LURAP1L: variants seen among roughly 807,000 people sequenced by gnomAD.
The protein encoded by LURAP1L is leucine rich adaptor protein 1 like.
In LURAP1L, 12 loss-of-function variants were observed where a neutral mutation model predicts 13.8. The ratio of observed to expected loss-of-function variants is 0.87; its 90% CI spans 0.56 to 1.41. The LOEUF is 1.41. Among genes scored for constraint, LURAP1L ranks in the 40% most tolerant of loss-of-function variants. The pLI, the probability that LURAP1L is intolerant of heterozygous loss-of-function variation, is 0.00. For missense variants in LURAP1L, 375 were observed against 292.9 expected, an observed-to-expected ratio of 1.28 and a Z score of -2.04; for synonymous variants, 139 against 119.2, an observed-to-expected ratio of 1.17 and a Z score of -1.08.
Position 12,775,602 on chromosome 9 carries a change from A to C in LURAP1L, c.-114A>C. ...AAAGGACGGTACACCGGAGCGGCGGAGGATAGAGACCCTGGCCCCCGGAGA... is the reference window on the plus strand; with the variant it reads ...AAAGGACGGTACACCGGAGCGGCGGCGGATAGAGACCCTGGCCCCCGGAGA... On this transcript the variant is annotated 5_prime_UTR_variant, in exon 1 of 2. Coordinates refer to ENST00000319264, the MANE Select transcript of LURAP1L (RefSeq NM_203403.2). The C allele has an allele frequency of 2.8e-6, 4 of 1,441,816 alleles. No individual in the cohort carries two copies. The highest frequency in any genetic ancestry group is 1.4e-5 in the African/African-American group (1 of 69,996). The allele number at this position is 1,441,816 out of a possible 1,614,324, so 89.3% of individuals were successfully genotyped here.
chr9:12,775,675 C>A lies in LURAP1L; in HGVS notation c.-41C>A, dbSNP rs1279756413. The A allele has an allele frequency of 6.5e-7, 1 of 1,528,026 alleles. No individual in the cohort carries two copies. Among genetic ancestry groups the A allele is most frequent in the Non-Finnish European group, 8.8e-7 (1 of 1,141,502 alleles). The allele number at this position is 1,528,026 out of a possible 1,614,324, so 94.7% of individuals were successfully genotyped here. On this transcript the variant is annotated 5_prime_UTR_variant, in exon 1 of 2. It adds an upstream start codon to the 5' untranslated region. Coordinates refer to ENST00000319264, the MANE Select transcript of LURAP1L (RefSeq NM_203403.2). ...CTTCGAAGCCGTGGCTGCCTTTCAT[C>A]TGCTGCGTTTTATTACTATTATCGC...
chr9:12,814,960 G>A (rs1364425551), intron 1 of LURAP1L, among the ~76,000 whole-genome samples: 1 of 152,164 alleles, frequency 6.6e-6, no homozygotes, highest in African/African-American at 2.4e-5. Context: ...CTGAGAAAGT[G>A]AAAGAAAGCT....
intron 1 of LURAP1L, among the ~76,000 whole-genome samples, chr9:12,786,274 C>A (rs192107712): frequency 6.6e-6 from 1 of 151,850 alleles, no homozygotes; most frequent in Non-Finnish European, 1.5e-5. Flanking sequence ...CAAACCCCAA[C>A]TAGTTGCTAA....
At chr9:12,788,153 AAG>A (rs1038356239) in intron 1 of LURAP1L, among the ~76,000 whole-genome samples, 1 of 122,424 alleles carries the variant, frequency 8.2e-6, no homozygotes. Context: ...AGAAAGAAGA[AAG>A]AAAGAAAGAA....
Position 12,775,677 on chromosome 9 carries a change from G to C in LURAP1L, c.-39G>C. 1 of 1,528,910 alleles carries C rather than the reference G, an allele frequency of 6.5e-7. No homozygotes were observed. Among genetic ancestry groups the C allele is most frequent in the Non-Finnish European group, 8.8e-7 (1 of 1,141,832 alleles). 94.7% of individuals were successfully genotyped at this position (1,528,910 alleles called of 1,614,324 possible). Reference sequence around the variant, plus strand: ...TCGAAGCCGTGGCTGCCTTTCATCTGCTGCGTTTTATTACTATTATCGCCG... The same window carrying C: ...TCGAAGCCGTGGCTGCCTTTCATCTCCTGCGTTTTATTACTATTATCGCCG... On this transcript the variant is annotated 5_prime_UTR_variant, in exon 1 of 2. Transcript: ENST00000319264.
intron 1 of LURAP1L, among the ~76,000 whole-genome samples, chr9:12,804,241 A>C (rs1316174367): frequency 1.3e-5 from 2 of 152,136 alleles, no homozygotes; most frequent in African/African-American, 4.8e-5. Flanking sequence ...TCATAGTTTT[A>C]AGCTCTTTTG....
intron 1 of LURAP1L, among the ~76,000 whole-genome samples, chr9:12,817,170 A>T (rs866702390): frequency 6.6e-6 from 1 of 152,204 alleles, no homozygotes; most frequent in Admixed American, 6.5e-5. Flanking sequence ...AGAAGGCATT[A>T]TCTGCTGGGA....
In LURAP1L at chr9:12,811,089, A is replaced by G. The variant is rs10122368; in HGVS notation, c.313-10297A>G. Among the ~76,000 whole-genome samples the G allele has an allele frequency of 6.7e-3, 1,015 of 152,268 alleles. 11 individuals are homozygous for G. Among genetic ancestry groups the G allele is most frequent in the African/African-American group, 0.024 (985 of 41,546 alleles). Reference sequence around the variant, plus strand: ...TAACTCCTAGAAGGAAACTCAATAAACCTAAGTAACTTTTATTACCATCCT... The same window carrying G: ...TAACTCCTAGAAGGAAACTCAATAAGCCTAAGTAACTTTTATTACCATCCT... On this transcript the variant is annotated intron_variant, in intron 1 of 1. Transcript: ENST00000319264.
At chr9:12,798,931 G>A (rs901891755) in intron 1 of LURAP1L, among the ~76,000 whole-genome samples, 1 of 152,144 alleles carries the variant, frequency 6.6e-6, no homozygotes, top group African/African-American at 2.4e-5. Context: ...GAATGCTCAT[G>A]CAGGTCAGTC....
At chr9:12,790,722 G>A (rs1819429280) in intron 1 of LURAP1L, 1 of 151,128 alleles carries the variant, frequency 6.6e-6, no homozygotes. Context: ...GTTGTCGGAA[G>A]AGTAGAGAAA....
At chr9:12,789,468 G>A (rs1386865403) in intron 1 of LURAP1L, among the ~76,000 whole-genome samples, 5 of 151,988 alleles carry the variant, frequency 3.3e-5, no homozygotes, top group Admixed American at 6.6e-5. Context: ...ATGCTACATC[G>A]GAGTCCCTAA....
chr9:12,809,896 G>A (rs536327380), intron 1 of LURAP1L, among the ~76,000 whole-genome samples: 1 of 152,130 alleles, frequency 6.6e-6, no homozygotes, highest in Non-Finnish European at 1.5e-5. Context: ...TCAGAGGCCT[G>A]CAGTTCTTTT....
intron 1 of LURAP1L, among the ~76,000 whole-genome samples, chr9:12,798,156 G>C (rs1483178912): frequency 6.6e-6 from 1 of 152,102 alleles, no homozygotes. Context: ...AAAATTTTAA[G>C]TGTAATATTA....
chr9:12,807,281 GACTA>G (rs1554658973), intron 1 of LURAP1L, among the ~76,000 whole-genome samples: 8 of 151,566 alleles, frequency 5.3e-5, no homozygotes, highest in Admixed American at 2.6e-4. Context: ...CTAACTAACT[GACTA>G]ACTAACTAAC....
intron 1 of LURAP1L, among the ~76,000 whole-genome samples, chr9:12,796,076 G>T (rs915203047): frequency 1.3e-5 from 2 of 151,856 alleles, no homozygotes; most frequent in Non-Finnish European, 2.9e-5. Context: ...AATCATGAAT[G>T]CTTGTGACCT....
At chr9:12,789,541 T>G (rs1434129593) in intron 1 of LURAP1L, among the ~76,000 whole-genome samples, 1 of 152,182 alleles carries the variant, frequency 6.6e-6, no homozygotes, top group Non-Finnish European at 1.5e-5. Flanking sequence ...CAAGTAAGAT[T>G]TAGCCATTTA....
Position 12,797,406 on chromosome 9 carries a change from C to G in LURAP1L, c.312+21379C>G, listed in dbSNP as rs548405490. ...ACAAAATGTTAGGAGGTACCAATGC[C>G]AAGTTTTAGCTGTCTAAAAACTTAT... On this transcript the variant is annotated intron_variant, in intron 1 of 1. Transcript: ENST00000319264. Among the ~76,000 whole-genome samples the G allele has an allele frequency of 1.2e-4, 19 of 152,102 alleles. No individual in the cohort carries two copies. The East Asian group carries it at 3.3e-3, about 26-fold the overall frequency.
rs112112353 is a variant in LURAP1L, at chr9:12,776,122, G to A, written c.312+95G>A. 8,812 of 1,287,702 alleles carry A rather than the reference G, an allele frequency of 6.8e-3. 54 individuals carry two copies. The highest frequency in any genetic ancestry group is 0.022 in the Middle Eastern group (98 of 4,474). The allele number at this position is 1,287,702 out of a possible 1,614,324, so 79.8% of individuals were successfully genotyped here. On this transcript the variant is annotated intron_variant, in intron 1 of 1. Coordinates refer to ENST00000319264, the MANE Select transcript of LURAP1L (RefSeq NM_203403.2). Reference sequence around the variant, plus strand: ...GGGGCTGGGAGAGAGGACGGCAGGGGCTGCAGAGCGGAGCGCTGGGCGCGT... The same window carrying A: ...GGGGCTGGGAGAGAGGACGGCAGGGACTGCAGAGCGGAGCGCTGGGCGCGT...
intron 1 of LURAP1L, among the ~76,000 whole-genome samples, chr9:12,812,290 T>C (rs781087400): frequency 6.6e-6 from 1 of 152,194 alleles, no homozygotes; most frequent in Non-Finnish European, 1.5e-5. Context: ...AACTGGGAAC[T>C]TGTTAGAAGT....
Sources: allele counts gnomAD v4.1 joint callset (sites outside exome capture counted in the v4.1 genomes callset), GRCh38; gene constraint gnomAD v4.1.1; transcripts MANE v1.5; gene names NCBI Gene and HGNC (gene_info 2026-07-23, HGNC 2026-07-21).